Variants in CSMD1 observed in about 807,000 individuals in gnomAD.
CSMD1 encodes CUB and sushi domain-containing protein 1.
A neutral mutation model predicts 417.5 loss-of-function variants in CSMD1; 213 were observed. The observed-to-expected ratio is 0.51, with a 90% CI of 0.46 to 0.57. The LOEUF is 0.57. CSMD1 is among the 20% of genes least tolerant of loss of function. The pLI is 0.00. For missense variants in CSMD1, 6,923 were observed against 4,529.7 expected, an observed-to-expected ratio of 1.53 and a Z score of -15.17; for synonymous variants, 2,862 against 1,736.8, an observed-to-expected ratio of 1.65 and a Z score of -16.11.
Position 4,263,474 on chromosome 8 carries a change from C to T in CSMD1, c.415+156479G>A, listed in dbSNP as rs145909168. On this transcript the variant is annotated intron_variant, in intron 3 of 69. Transcript: ENST00000635120. Reference sequence around the variant, plus strand: ...TTGTGACATAGTTGTTCCTTCCAAACTAGTCCAAATCCTGAAGCTCTGTCT... The same window carrying T: ...TTGTGACATAGTTGTTCCTTCCAAATTAGTCCAAATCCTGAAGCTCTGTCT... Among the ~76,000 whole-genome samples, 865 of 152,270 alleles carry T rather than the reference C, an allele frequency of 5.7e-3. 8 individuals are homozygous for T. The highest frequency in any genetic ancestry group is 0.02 in the African/African-American group (826 of 41,550).
chr8:4,583,554 A>G (rs1799552141), intron 2 of CSMD1, among the ~76,000 whole-genome samples: 1 of 152,060 alleles, frequency 6.6e-6, no homozygotes, highest in African/African-American at 2.4e-5. Context: ...TAAACACACC[A>G]ATCAGCACCC....
chr8:4,796,242 C>G (rs1399357928), intron 1 of CSMD1, among the ~76,000 whole-genome samples: 2 of 151,912 alleles, frequency 1.3e-5, no homozygotes, highest in Non-Finnish European at 2.9e-5. Flanking sequence ...ATGAAAATGC[C>G]TCCTTTGCTG....
chr8:3,307,278 G>T (rs1804946222), intron 25 of CSMD1, among the ~76,000 whole-genome samples: 1 of 151,864 alleles, frequency 6.6e-6, no homozygotes, highest in Admixed American at 6.6e-5. Flanking sequence ...AGGAACAGAA[G>T]CCTGGTGTGC....
In CSMD1 at chr8:4,586,056, T is replaced by C. The variant is rs1432834449; in HGVS notation, c.302+51286A>G. ...CGCATGTAATGGTTGTACGTATACA[T>C]GGAGTACACATGATATTTTCACACA... On this transcript the variant is annotated intron_variant, in intron 2 of 69. Coordinates refer to ENST00000635120, the MANE Select transcript of CSMD1 (RefSeq NM_033225.6). Among the ~76,000 whole-genome samples, 2 of 152,220 alleles carry C rather than the reference T, an allele frequency of 1.3e-5. 1 individual carries two copies. The highest frequency in any genetic ancestry group is 2.9e-5 in the Non-Finnish European group (2 of 68,036).
At chr8:3,594,948 T>G (rs1005757754) in intron 8 of CSMD1, among the ~76,000 whole-genome samples, 5 of 152,136 alleles carry the variant, frequency 3.3e-5, no homozygotes, top group Admixed American at 1.3e-4. Flanking sequence ...GAACATCTCC[T>G]AGATGTGGAA....
intron 5 of CSMD1, among the ~76,000 whole-genome samples, chr8:3,815,483 T>A (rs1296638473): frequency 6.6e-6 from 1 of 152,074 alleles, no homozygotes; most frequent in African/African-American, 2.4e-5. Context: ...AATATAAAAG[T>A]TAAACTCAAA....
At chr8:3,339,180 G>C (rs550871191) in intron 23 of CSMD1, among the ~76,000 whole-genome samples, 1 of 151,922 alleles carries the variant, frequency 6.6e-6, no homozygotes, top group East Asian at 1.9e-4. Context: ...ATTTTTTATG[G>C]CTGCATAGTA....
intron 1 of CSMD1, among the ~76,000 whole-genome samples, chr8:4,687,970 A>G (rs533295547): frequency 5.9e-5 from 9 of 152,308 alleles, no homozygotes; most frequent in African/African-American, 2.2e-4. Flanking sequence ...TATCTGTAGC[A>G]TCTTTCACTG....
At chr8:4,741,274 T>G (rs987409216) in intron 1 of CSMD1, among the ~76,000 whole-genome samples, 1 of 152,148 alleles carries the variant, frequency 6.6e-6, no homozygotes, top group Non-Finnish European at 1.5e-5. Flanking sequence ...TTTGTGAAAA[T>G]TTATTATATC....
intron 5 of CSMD1, among the ~76,000 whole-genome samples, chr8:3,901,444 T>C (rs1807745846): frequency 6.6e-6 from 1 of 152,242 alleles, no homozygotes; most frequent in South Asian, 2.1e-4. Flanking sequence ...GGTCTTACTC[T>C]AATGACTTCA....
chr8:4,761,882 T>C (rs149206567), intron 1 of CSMD1, among the ~76,000 whole-genome samples: 1,749 of 96,284 alleles, frequency 0.018, 17 homozygotes, highest in Middle Eastern at 0.042. Flanking sequence ...TATCTATCTA[T>C]CTATCTACCT....
At chr8:3,392,852 A>G (rs1387345785) in intron 17 of CSMD1, among the ~76,000 whole-genome samples, 1 of 152,034 alleles carries the variant, frequency 6.6e-6, no homozygotes, top group Admixed American at 6.6e-5. Context: ...ATATCTCTAC[A>G]CCACCCACAG....
At chr8:3,628,931 G>C (rs985729397) in intron 7 of CSMD1, among the ~76,000 whole-genome samples, 1 of 151,966 alleles carries the variant, frequency 6.6e-6, no homozygotes, top group African/African-American at 2.4e-5. Flanking sequence ...GGAATAAAAA[G>C]AGTAGGAATG....
chr8:4,800,342 G>C (rs550242307), intron 1 of CSMD1, among the ~76,000 whole-genome samples: 2 of 150,246 alleles, frequency 1.3e-5, no homozygotes, highest in Non-Finnish European at 1.5e-5. Flanking sequence ...GAGGCAGGAA[G>C]ATTTCTTGAA....
At chr8:4,690,733 T>G (rs1043057078) in intron 1 of CSMD1, among the ~76,000 whole-genome samples, 3 of 152,132 alleles carry the variant, frequency 2.0e-5, no homozygotes, top group Admixed American at 1.3e-4. Context: ...ATCTTGATAT[T>G]ATTATTTTAT....
intron 10 of CSMD1, among the ~76,000 whole-genome samples, chr8:3,497,571 C>T (rs994425349): frequency 2.6e-5 from 4 of 152,122 alleles, no homozygotes; most frequent in African/African-American, 9.7e-5. Context: ...AGCCATTTCA[C>T]ATTTTTTCAC....
At chr8:3,950,931 C>T (rs1249234534) in intron 5 of CSMD1, among the ~76,000 whole-genome samples, 1 of 152,032 alleles carries the variant, frequency 6.6e-6, no homozygotes. Context: ...TCATAATAAG[C>T]CCTGAACAGA....
At chr8:3,445,305 G>C (rs567501064) in intron 12 of CSMD1, among the ~76,000 whole-genome samples, 5 of 152,098 alleles carry the variant, frequency 3.3e-5, no homozygotes, top group African/African-American at 1.2e-4. Context: ...TAAGGTAAGG[G>C]TACTAATATA....
intron 39 of CSMD1, 133 bp from the exon 40 acceptor site, chr8:3,151,646 A>C: frequency 1.6e-6 from 1 of 625,460 alleles, no homozygotes; most frequent in Non-Finnish European, 2.9e-6. Flanking sequence ...ATTACAGCAC[A>C]CGATACAATG....
Sources: allele counts gnomAD v4.1 joint callset (sites outside exome capture counted in the v4.1 genomes callset), GRCh38; gene constraint gnomAD v4.1.1; transcripts MANE v1.5; gene names NCBI Gene and HGNC (gene_info 2026-07-23, HGNC 2026-07-21).